Variants in CELSR2 observed in about 807,000 individuals in gnomAD.
CELSR2 encodes cadherin EGF LAG seven-pass G-type receptor 2.
Under a neutral mutation model 251.6 loss-of-function variants are expected in CELSR2, and 81 were observed. That is an observed-to-expected ratio of 0.32 (90% CI 0.27 to 0.39). The LOEUF (loss-of-function observed/expected upper bound fraction) is 0.39. CELSR2 is among the 10% of genes least tolerant of loss of function. CELSR2 has a pLI of 1.00. For missense variants in CELSR2, 3,365 were observed against 3,947.7 expected (o/e 0.85, Z 3.96); for synonymous variants, 1,721 against 1,670.5 (o/e 1.03, Z -0.74).
At position 109,269,048 on chromosome 1, in the gene CELSR2, A is replaced by G; in HGVS notation, c.6631+40A>G. Reference sequence around the variant, plus strand: ...TGGATTGAGTTGGGAGCTGGACCCCAGTGTCTGTGCAGACTCCACAGAGAG... The same window carrying G: ...TGGATTGAGTTGGGAGCTGGACCCCGGTGTCTGTGCAGACTCCACAGAGAG... On this transcript the variant is annotated intron_variant, in intron 19 of 33. Coordinates refer to ENST00000271332, the MANE Select transcript of CELSR2 (RefSeq NM_001408.3). This position sits in a 1 kb window ranked among gnomAD's most constrained non-coding sequence, Gnocchi z 6.4. 2 of 1,600,934 alleles carry G rather than the reference A, an allele frequency of 1.2e-6. No homozygotes were observed. The highest frequency in any genetic ancestry group is 8.5e-7 in the Non-Finnish European group (1 of 1,170,384).
In CELSR2 at chr1:109,273,558, C is replaced by A. The variant is rs1240994792; in HGVS notation, c.8632C>A (p.Pro2878Thr). 3.2e-6 allele frequency: 5 copies of A among 1,569,396 alleles called. No homozygotes were observed. The highest frequency in any genetic ancestry group is 1.4e-5 in the African/African-American group (1 of 73,646). Reference protein sequence around the residue: ...SSASEGSRGGPPPRPPPRQSL... With the variant: ...SSASEGSRGGTPPRPPPRQSL... The stretch of plus-strand genomic sequence containing the variant: ...CGCTAGTGAGGGCAGCCGGGGAGGC[C>A]CCCCTCCCCGCCCACCGCCCCGGCA... The change falls in exon 33 of 34, where the codon CCC becomes ACC. Residue 2878 changes from proline (P) to threonine (T), a missense_variant. Pro to Thr is a conservative substitution (Grantham distance 38, BLOSUM62 -1). This residue lies in a region of CELSR2 where 2,093 missense variants were observed against 2,382.8 expected (regional missense o/e 0.88). Coordinates refer to ENST00000271332, the MANE Select transcript of CELSR2 (RefSeq NM_001408.3).
intron 33 of CELSR2, 51 bp downstream of exon 33, chr1:109,273,721 C>G: frequency 7.2e-7 from 1 of 1,381,212 alleles, no homozygotes; most frequent in Non-Finnish European, 9.7e-7. Context: ...GGAGGCCTCA[C>G]CTGGGCCCAG....
intron 17 of CELSR2, 75 bp from the exon 18 acceptor site, chr1:109,268,506 C>T: frequency 6.7e-7 from 1 of 1,500,330 alleles, no homozygotes. Context: ...CTGGCCCGGG[C>T]ACAGGCCGGG....
chr1:109,255,972 TC>T (rs1655831493), intron 1 of CELSR2, among the ~76,000 whole-genome samples: 1 of 152,194 alleles, frequency 6.6e-6, no homozygotes, highest in African/African-American at 2.4e-5. Flanking sequence ...AAGTGTTTGT[TC>T]CCAGGGCTGA....
chr1:109,270,692 C>T, intron 24 of CELSR2, 92 bp downstream of exon 24: 1 of 1,475,948 alleles, frequency 6.8e-7, no homozygotes, highest in Non-Finnish European at 9.2e-7. Context: ...CCCTGAGGCC[C>T]CACATCCCCA....
At position 109,275,273 on chromosome 1, in the gene CELSR2, T is replaced by C. The variant is rs935646223; in HGVS notation, c.*1224T>C. On this transcript the variant is annotated 3_prime_UTR_variant, in exon 34 of 34. Coordinates refer to ENST00000271332, the MANE Select transcript of CELSR2 (RefSeq NM_001408.3). ...TCTGATATGGCCATCACAGGCTGGG[T>C]GTTCCCAGCAGCCCTGGCTTGGGGG... is the stretch of plus-strand genomic sequence containing the variant. The C allele has an allele frequency of 2.0e-5, 3 of 152,204 alleles. No individual in the cohort carries two copies. Among genetic ancestry groups the C allele is most frequent in the African/African-American group, 7.2e-5 (3 of 41,436 alleles). 9.4% of individuals were successfully genotyped at this position (152,204 alleles called of 1,614,324 possible). A position where few individuals can be genotyped will look rare whatever the true frequency, so the allele number is the denominator to read the frequency against.
At position 109,269,792 on chromosome 1, in the gene CELSR2, C is replaced by T; in HGVS notation, c.7079C>T (p.Ala2360Val). ...SCQCNHMTSF[A>V]VLMDVSRREN... ...CAGTGCAACCACATGACGAGCTTCG[C>T]TGTGCTCATGGACGTTTCTCGGCGG... Residue 2360 changes from alanine (A) to valine (V), a missense_variant, in exon 22 of 34, where the codon GCT becomes GTT. Coordinates refer to ENST00000271332, the MANE Select transcript of CELSR2 (RefSeq NM_001408.3). The surrounding 1 kb of genome is among the most constrained non-coding windows in gnomAD (Gnocchi z 6.4). 1.2e-6 allele frequency: 2 copies of T among 1,613,544 alleles called. No homozygotes were observed. Among genetic ancestry groups the T allele is most frequent in the Non-Finnish European group, 1.7e-6 (2 of 1,180,016 alleles).
At position 109,264,041 on chromosome 1, in the gene CELSR2, C is replaced by A. The variant is rs567734818; in HGVS notation, c.5002-37C>A. The A allele has an allele frequency of 3.2e-6, 5 of 1,540,084 alleles. No individual in the cohort carries two copies. The South Asian group carries it at 6.2e-5, about 19-fold the overall frequency. Reference sequence around the variant, plus strand: ...TGAGCTGGAGAACAGTGATTAAGGCCGTCTGCTGACCCTGTTTTCTTTCCT... The same window carrying A: ...TGAGCTGGAGAACAGTGATTAAGGCAGTCTGCTGACCCTGTTTTCTTTCCT... On this transcript the variant is annotated intron_variant, in intron 9 of 33. Transcript: ENST00000271332.
rs774661882 is a variant in CELSR2, at chr1:109,272,329, G to A, written c.7978G>A (p.Gly2660Arg). The A allele has an allele frequency of 4.3e-6, 7 of 1,612,340 alleles. No homozygotes were observed. The highest frequency in any genetic ancestry group is 2.2e-5 in the South Asian group (2 of 91,042). ...AGATGGGCGGCTGTACCAGCCCTACGGAGACTCGGCCGGCTCTCTGCACAG... is the reference window on the plus strand; with the variant it reads ...AGATGGGCGGCTGTACCAGCCCTACAGAGACTCGGCCGGCTCTCTGCACAG... ...YADGRLYQPY[G>R]DSAGSLHSTS... Residue 2660 changes from glycine to arginine, a missense_variant, in exon 29 of 34, where the codon GGA becomes AGA. This residue lies in a region of CELSR2 where 2,093 missense variants were observed against 2,382.8 expected (regional missense o/e 0.88). Coordinates refer to ENST00000271332, the MANE Select transcript of CELSR2 (RefSeq NM_001408.3).
chr1:109,252,058 G>C lies in CELSR2; in HGVS notation c.1979G>C (p.Ser660Thr). The C allele has an allele frequency of 6.2e-7, 1 of 1,614,076 alleles. No homozygotes were observed. The highest frequency in any genetic ancestry group is 1.1e-5 in the South Asian group (1 of 91,084). Residue 660 changes from serine to threonine, a missense_variant, in exon 1 of 34, where the codon AGC (serine) becomes ACC (threonine). Around this residue, in one of 5 missense-constraint regions of CELSR2, gnomAD observed 60 missense variants for 104.8 expected, o/e 0.57. Transcript: ENST00000271332. This position sits in a 1 kb window ranked among gnomAD's most constrained non-coding sequence, Gnocchi z 4.8. The part of the protein sequence containing the change: ...GNTRNRFSIT[S>T]QSGGGLVSLA... ...ACTCGAAACCGCTTCTCCATCACCA[G>C]CCAAAGTGGTGGTGGGCTGGTATCC...
At position 109,252,542 on chromosome 1, in the gene CELSR2, G is replaced by C. The variant is rs2101233614; in HGVS notation, c.2463G>C (p.Gln821His). The change falls in exon 1 of 34, where the codon CAG (glutamine) becomes CAC (histidine). Residue 821 changes from glutamine to histidine, a missense_variant. Around this residue, in one of 5 missense-constraint regions of CELSR2, gnomAD observed 505 missense variants for 660.0 expected, o/e 0.77. Transcript: ENST00000271332. This position sits in a 1 kb window ranked among gnomAD's most constrained non-coding sequence, Gnocchi z 4.8. ...CTCAGTTCCTGCGAGACTCCTACCA[G>C]GGCAGTGTCTATGAGGATGTGCCAC... ...NAPQFLRDSYQGSVYEDVPPF... is the reference protein window; with the variant it reads ...NAPQFLRDSYHGSVYEDVPPF... The C allele has an allele frequency of 6.2e-7, 1 of 1,613,912 alleles. No homozygotes were observed.
In CELSR2 at chr1:109,275,434, C is replaced by A. The variant is rs1038420769; in HGVS notation, c.*1385C>A. ...TCCAGACTTGTCACTGACTTTCCTT[C>A]TGGAGCAGGTGGCTAGAAAAAGAGG... On this transcript the variant is annotated 3_prime_UTR_variant, in exon 34 of 34. Coordinates refer to ENST00000271332, the MANE Select transcript of CELSR2 (RefSeq NM_001408.3). 4.6e-5 allele frequency: 7 copies of A among 152,236 alleles called. No individual in the cohort carries two copies. The highest frequency in any genetic ancestry group is 1.7e-4 in the African/African-American group (7 of 41,456). The allele number at this position is 152,236 out of a possible 1,614,324, so 9.4% of individuals were successfully genotyped here.
Position 109,263,210 on chromosome 1 carries a change from T to G in CELSR2, c.4777T>G (p.Trp1593Gly). The change falls in exon 8 of 34, where the codon TGG (tryptophan) becomes GGG (glycine). Residue 1593 changes from tryptophan (W) to glycine (G), a missense_variant. Around this residue, in one of 5 missense-constraint regions of CELSR2, gnomAD observed 2,093 missense variants for 2,382.8 expected, o/e 0.88. Transcript: ENST00000271332. ...CAATGGGGGCACTTGCGTGAACCAG[T>G]GGGACGCGTTCAGCTGCGAGTGCCC... The part of the protein sequence containing the change: ...CHNGGTCVNQ[W>G]DAFSCECPLG... 1 of 1,597,308 alleles carries G rather than the reference T, an allele frequency of 6.3e-7. No individual in the cohort carries two copies. The highest frequency in any genetic ancestry group is 8.6e-7 in the Non-Finnish European group (1 of 1,166,488).
chr1:109,249,948 C>A lies in CELSR2; in HGVS notation c.-132C>A. On this transcript the variant is annotated 5_prime_UTR_variant, in exon 1 of 34. Coordinates refer to ENST00000271332, the MANE Select transcript of CELSR2 (RefSeq NM_001408.3). ...TCCCGCCGAGCCATCCAGACGCAGG[C>A]CCCGCGGGGCGCACGGGAGGCCCCC... The A allele has an allele frequency of 2.4e-6, 2 of 842,058 alleles. No individual in the cohort carries two copies. The highest frequency in any genetic ancestry group is 1.5e-6 in the Non-Finnish European group (1 of 656,428). 52.2% of individuals were successfully genotyped at this position (842,058 alleles called of 1,614,324 possible).
intron 2 of CELSR2, 109 bp downstream of exon 2, chr1:109,259,188 G>C: frequency 1.0e-6 from 1 of 985,560 alleles, no homozygotes; most frequent in East Asian, 2.6e-5. Context: ...CCCGAGTGAG[G>C]TGCAGCTACA....
rs753692372 is a variant in CELSR2 at position 109,264,133 on chromosome 1, C to G, written c.5057C>G (p.Ser1686Cys). 6.2e-7 allele frequency: 1 copy of G among 1,604,920 alleles called. No homozygotes were observed. The highest frequency in any genetic ancestry group is 1.7e-5 in the Admixed American group (1 of 59,858). ...SVEGTGLQAS[S>C]LRLEPGRAND... ...GAGGGCACAGGGCTTCAGGCCTCCT[C>G]TCTCCGTCTGGAGCCAGGCCGGGCC... is the stretch of plus-strand genomic sequence containing the variant. Residue 1686 changes from serine (S) to cysteine (C), a missense_variant, in exon 10 of 34, where the codon TCT becomes TGT. Transcript: ENST00000271332.
intron 15 of CELSR2, 95 bp downstream of exon 15, chr1:109,266,301 C>G: frequency 6.9e-7 from 1 of 1,456,688 alleles, no homozygotes; most frequent in Non-Finnish European, 9.2e-7. Flanking sequence ...TCCGGGGACC[C>G]CACTTTCTGG....
chr1:109,256,616 A>G (rs1655854516), intron 1 of CELSR2, among the ~76,000 whole-genome samples: 1 of 151,860 alleles, frequency 6.6e-6, no homozygotes, highest in East Asian at 1.9e-4. Flanking sequence ...TGCTTTTTAT[A>G]TCTAGTTGGG....
At chr1:109,273,693 G>A (rs1656443893) in intron 33 of CELSR2, 23 bp downstream of exon 33, 3 of 751,708 alleles carry the variant, frequency 4.0e-6, no homozygotes, top group South Asian at 1.8e-5. Flanking sequence ...GGGTGGGCGG[G>A]ACGGGGTGCA....
Sources: allele counts gnomAD v4.1 joint callset (sites outside exome capture counted in the v4.1 genomes callset), GRCh38; gene constraint gnomAD v4.1.1; regional missense constraint gnomAD v4.1.1; non-coding constraint Gnocchi (gnomAD v3.1); transcripts MANE v1.5; gene names NCBI Gene and HGNC (gene_info 2026-07-23, HGNC 2026-07-21).